Variants in CACNA2D3 observed in about 807,000 individuals in gnomAD.
The protein encoded by CACNA2D3 is voltage-dependent calcium channel subunit alpha-2/delta-3.
Under a neutral mutation model 160.6 loss-of-function variants are expected in CACNA2D3, and 60 were observed. The observed-to-expected ratio is 0.37, with a 90% confidence interval of 0.30 to 0.46. CACNA2D3 has a LOEUF of 0.46. Among genes scored for constraint, CACNA2D3 ranks in the 20% least tolerant of loss-of-function variants. The probability of loss-of-function intolerance (pLI) is 1.00; values close to 1 mark genes in which losing one functional copy is unlikely to be tolerated. For synonymous variants in CACNA2D3, 558 were observed against 492.9 expected, an observed-to-expected ratio of 1.13 and a Z score of -1.75; for missense variants, 1,205 against 1,365.0, an observed-to-expected ratio of 0.88 and a Z score of 1.85.
At chr3:54,993,270 G>T (rs1702781455) in intron 31 of CACNA2D3, among the ~76,000 whole-genome samples, 1 of 152,212 alleles carries the variant, frequency 6.6e-6, no homozygotes. Context: ...ATAACACTCT[G>T]GGTTAATCTC....
At chr3:54,880,410 G>T (rs145018931) in intron 20 of CACNA2D3, among the ~76,000 whole-genome samples, 8 of 152,302 alleles carry the variant, frequency 5.3e-5, no homozygotes, top group African/African-American at 1.7e-4. Context: ...AATTTCCCGA[G>T]TCCCAAAGTC....
chr3:54,470,525 A>G lies in CACNA2D3; in HGVS notation c.382-32967A>G, dbSNP rs986859684. Among the ~76,000 whole-genome samples, 10 of 152,206 alleles carry G rather than the reference A, an allele frequency of 6.6e-5. No homozygotes were observed. The East Asian group carries it at 1.9e-3, about 29-fold the overall frequency. ...TCAAGTCTATGAAGAAACTGCATCA[A>G]TTAATGGGTAAAATAACCAGCTAGA... On this transcript the variant is annotated intron_variant, in intron 4 of 37. Coordinates refer to ENST00000474759, the MANE Select transcript of CACNA2D3 (RefSeq NM_018398.3).
At chr3:54,830,265 A>G (rs1575500279) in intron 14 of CACNA2D3, among the ~76,000 whole-genome samples, 1 of 151,890 alleles carries the variant, frequency 6.6e-6, no homozygotes, top group East Asian at 2.0e-4. Context: ...ATCTTAAAGA[A>G]TCAATGGTTC....
intron 4 of CACNA2D3, among the ~76,000 whole-genome samples, chr3:54,428,485 C>T (rs916454710): frequency 3.9e-5 from 6 of 152,094 alleles, no homozygotes; most frequent in African/African-American, 7.2e-5. Flanking sequence ...GCTGATGATT[C>T]GCACCAGTGC....
chr3:54,650,019 CTG>C (rs1262766834), intron 11 of CACNA2D3, among the ~76,000 whole-genome samples: 4 of 152,116 alleles, frequency 2.6e-5, no homozygotes, highest in Non-Finnish European at 5.9e-5. Context: ...CCATCTACAC[CTG>C]TTAGATGTCA....
rs144187463 is a variant in CACNA2D3, at chr3:54,555,002, G to A, written c.545-7798G>A. Among the ~76,000 whole-genome samples the A allele has an allele frequency of 3.1e-3, 471 of 150,322 alleles. 3 individuals carry two copies. The highest frequency in any genetic ancestry group is 0.011 in the African/African-American group (458 of 40,816). ...CAATCCTTTCACCTCGGCTTCTTGA[G>A]TAGCTGGGATTACAGGAGCACACCA... On this transcript the variant is annotated intron_variant, in intron 5 of 37. Transcript: ENST00000474759.
chr3:54,945,694 A>C (rs1470414658), intron 27 of CACNA2D3, among the ~76,000 whole-genome samples: 1 of 152,212 alleles, frequency 6.6e-6, no homozygotes, highest in East Asian at 1.9e-4. Context: ...TGCAGGTTTG[A>C]CAGTGGTTCC....
At chr3:54,904,379 T>C (rs1700407942) in intron 27 of CACNA2D3, among the ~76,000 whole-genome samples, 1 of 152,184 alleles carries the variant, frequency 6.6e-6, no homozygotes, top group Admixed American at 6.5e-5. Context: ...GGTGTGGCCC[T>C]GCAGGAGACT....
chr3:54,196,948 G>A (rs1032062434), intron 2 of CACNA2D3, among the ~76,000 whole-genome samples: 1 of 152,188 alleles, frequency 6.6e-6, no homozygotes, highest in Admixed American at 6.5e-5. Flanking sequence ...GAGATCCAAT[G>A]TAAAACGTGT....
intron 2 of CACNA2D3, among the ~76,000 whole-genome samples, chr3:54,134,170 C>T (rs922476461): frequency 1.2e-4 from 18 of 152,142 alleles, no homozygotes; most frequent in African/African-American, 4.3e-4. Flanking sequence ...TCACTAGGAT[C>T]GATTTTATTT....
chr3:54,204,815 A>G (rs1172704098), intron 2 of CACNA2D3, among the ~76,000 whole-genome samples: 3 of 150,566 alleles, frequency 2.0e-5, no homozygotes, highest in East Asian at 1.9e-4. Flanking sequence ...AAAAAAAAAA[A>G]AAAAAGAAAA....
chr3:54,972,885 C>G (rs1394945634), intron 29 of CACNA2D3, among the ~76,000 whole-genome samples: 1 of 152,188 alleles, frequency 6.6e-6, no homozygotes, highest in Non-Finnish European at 1.5e-5. Context: ...TTTCTTCCTT[C>G]AAGACATCTT....
intron 2 of CACNA2D3, among the ~76,000 whole-genome samples, chr3:54,290,039 A>G (rs1185278870): frequency 2.0e-5 from 3 of 151,240 alleles, no homozygotes; most frequent in African/African-American, 7.3e-5. Context: ...AATGGCAACA[A>G]AAGCCGAAAT....
chr3:54,883,782 T>C (rs1021291589), intron 21 of CACNA2D3, among the ~76,000 whole-genome samples: 18 of 150,472 alleles, frequency 1.2e-4, no homozygotes, highest in African/African-American at 1.7e-4. Context: ...TTTCCTGACC[T>C]CCATAGTTAC....
intron 27 of CACNA2D3, among the ~76,000 whole-genome samples, chr3:54,945,527 T>A (rs1701590397): frequency 6.6e-6 from 1 of 152,210 alleles, no homozygotes; most frequent in African/African-American, 2.4e-5. Flanking sequence ...ATACAGACTT[T>A]GAGGAGGCCT....
chr3:54,203,648 T>C (rs895141072), intron 2 of CACNA2D3, among the ~76,000 whole-genome samples: 3 of 151,926 alleles, frequency 2.0e-5, no homozygotes, highest in Non-Finnish European at 2.9e-5. Context: ...GTTGGGCCAC[T>C]GTGTGGCCCC....
intron 25 of CACNA2D3, among the ~76,000 whole-genome samples, chr3:54,895,818 G>A (rs1266320148): frequency 1.3e-5 from 2 of 152,230 alleles, no homozygotes; most frequent in African/African-American, 2.4e-5. Flanking sequence ...GACAGCACAT[G>A]TGACTCTCCA....
chr3:54,594,219 C>T lies in CACNA2D3; in HGVS notation c.963+12342C>T, dbSNP rs1178265729. Among the ~76,000 whole-genome samples, 5 of 152,088 alleles carry T rather than the reference C, an allele frequency of 3.3e-5. No homozygotes were observed. In the South Asian group the frequency reaches 1.0e-3, roughly 32 times the overall value. ...GCCTGATAGTAAATATTCTAGGCTT[C>T]GTGGGCCATACAATTTCTGCTGTAA... On this transcript the variant is annotated intron_variant, in intron 9 of 37. Coordinates refer to ENST00000474759, the MANE Select transcript of CACNA2D3 (RefSeq NM_018398.3).
intron 2 of CACNA2D3, among the ~76,000 whole-genome samples, chr3:54,249,244 A>G (rs1392992175): frequency 6.6e-6 from 1 of 152,146 alleles, no homozygotes; most frequent in East Asian, 1.9e-4. Context: ...CCAAGTTGAC[A>G]AGGACTTGAG....
Sources: gnomAD v4.1 joint callset for allele counts (sites outside exome capture counted in the v4.1 genomes callset) on GRCh38, gnomAD v4.1.1 for gene constraint, MANE v1.5 for transcripts, NCBI Gene and HGNC (gene_info 2026-07-23, HGNC 2026-07-21) for gene names.